Variants in JARID2 observed in about 807,000 individuals in gnomAD.
JARID2 encodes protein Jumonji.
JARID2 carries 21 observed loss-of-function variants against 125.6 expected under a neutral mutation model. That is an observed-to-expected ratio of 0.17 (90% CI 0.12 to 0.24). The LOEUF is 0.24. Ranked by LOEUF, JARID2 falls within the 10% of genes least tolerant of loss-of-function variation. The pLI is 1.00. For missense variants in JARID2, 1,303 were observed against 1,639.6 expected, an observed-to-expected ratio of 0.79 and a Z score of 3.55; for synonymous variants, 736 against 661.6, an observed-to-expected ratio of 1.11 and a Z score of -1.73.
intron 4 of JARID2, among the ~76,000 whole-genome samples, chr6:15,466,122 A>G (rs967237710): frequency 2.0e-5 from 3 of 152,088 alleles, no homozygotes; most frequent in African/African-American, 7.2e-5. Context: ...GTATTTTTAT[A>G]TTGCTCTCAC....
chr6:15,448,183 G>A (rs138136559), intron 3 of JARID2, among the ~76,000 whole-genome samples: 101 of 152,282 alleles, frequency 6.6e-4, no homozygotes, highest in African/African-American at 2.4e-3. Flanking sequence ...TTAATCACTT[G>A]GGAGCTTGGC....
intron 5 of JARID2, among the ~76,000 whole-genome samples, chr6:15,483,009 T>A (rs1411863499): frequency 6.6e-6 from 1 of 152,236 alleles, no homozygotes; most frequent in Non-Finnish European, 1.5e-5. Context: ...ATTCTAATTT[T>A]TGCCTGAAAG....
At chr6:15,325,319 C>T (rs1000489041) in intron 1 of JARID2, among the ~76,000 whole-genome samples, 7 of 152,176 alleles carry the variant, frequency 4.6e-5, no homozygotes, top group African/African-American at 1.7e-4. Context: ...AGCTTAGCCT[C>T]ACTCTCCGTG....
chr6:15,393,222 A>C (rs1013385779), intron 2 of JARID2, among the ~76,000 whole-genome samples: 1 of 152,092 alleles, frequency 6.6e-6, no homozygotes, highest in Non-Finnish European at 1.5e-5. Context: ...TTGATATTTT[A>C]CTCAAATGCC....
intron 1 of JARID2, among the ~76,000 whole-genome samples, chr6:15,335,141 C>T (rs1055866776): frequency 1.3e-5 from 2 of 151,944 alleles, no homozygotes; most frequent in Admixed American, 1.3e-4. Context: ...GCTCCTTCAC[C>T]CAGGCTGGAG....
intron 1 of JARID2, among the ~76,000 whole-genome samples, chr6:15,271,541 G>A (rs1218574403): frequency 6.6e-6 from 1 of 152,204 alleles, no homozygotes; most frequent in African/African-American, 2.4e-5. Context: ...CTGATGTGGT[G>A]GCCCATGCCT....
chr6:15,247,498 T>C, intron 1 of JARID2: 1 of 983,078 alleles, frequency 1.0e-6, no homozygotes, highest in Non-Finnish European at 1.2e-6. Context: ...ACTCGAGTGA[T>C]CTGTGATTAG....
At chr6:15,488,519 T>C (rs1292913618) in intron 6 of JARID2, among the ~76,000 whole-genome samples, 9 of 152,114 alleles carry the variant, frequency 5.9e-5, no homozygotes, top group African/African-American at 2.2e-4. Context: ...TCAGAGGAAG[T>C]TGTAGAGGGG....
chr6:15,440,594 C>A (rs1463420301), intron 3 of JARID2, among the ~76,000 whole-genome samples: 3 of 152,188 alleles, frequency 2.0e-5, no homozygotes, highest in Non-Finnish European at 4.4e-5. Context: ...TCACCTTGCC[C>A]TGTTGCCCAC....
At chr6:15,347,705 A>C (rs888494927) in intron 1 of JARID2, among the ~76,000 whole-genome samples, 1 of 152,120 alleles carries the variant, frequency 6.6e-6, no homozygotes, top group Non-Finnish European at 1.5e-5. Flanking sequence ...AAAATCCTTT[A>C]CTGGACAAGG....
At chr6:15,315,491 G>A (rs1762149105) in intron 1 of JARID2, among the ~76,000 whole-genome samples, 1 of 152,176 alleles carries the variant, frequency 6.6e-6, no homozygotes, top group South Asian at 2.1e-4. Flanking sequence ...AGTGCAGTCA[G>A]TACACCATAG....
intron 17 of JARID2, among the ~76,000 whole-genome samples, chr6:15,518,234 C>A (rs528021151): frequency 6.6e-6 from 1 of 152,140 alleles, no homozygotes; most frequent in African/African-American, 2.4e-5. Context: ...GGCGGCGGCA[C>A]GGGGAGGCTT....
intron 1 of JARID2, among the ~76,000 whole-genome samples, chr6:15,297,488 C>CTAA (rs1554120794): frequency 1.4e-5 from 2 of 143,328 alleles, no homozygotes; most frequent in Non-Finnish European, 3.1e-5. Context: ...ATACAGCACT[C>CTAA]TTTTTTTTTT....
intron 3 of JARID2, among the ~76,000 whole-genome samples, chr6:15,425,506 G>A (rs1237715854): frequency 2.0e-5 from 3 of 152,160 alleles, no homozygotes; most frequent in Admixed American, 2.0e-4. Context: ...GGGGTCATGA[G>A]GGCTGCACCC....
At chr6:15,302,289 G>A (rs770786990) in intron 1 of JARID2, among the ~76,000 whole-genome samples, 1 of 152,132 alleles carries the variant, frequency 6.6e-6, no homozygotes, top group African/African-American at 2.4e-5. Context: ...GGTGGCGTGC[G>A]CCTGTAATCC....
At chr6:15,247,002 T>C (rs1369203010) in intron 1 of JARID2, among the ~76,000 whole-genome samples, 1 of 152,226 alleles carries the variant, frequency 6.6e-6, no homozygotes, top group Non-Finnish European at 1.5e-5. Context: ...GCATGTGTGT[T>C]GGAAGCCCTT....
intron 1 of JARID2, chr6:15,314,969 A>T (rs1762131478): frequency 6.6e-6 from 1 of 152,236 alleles, no homozygotes; most frequent in African/African-American, 2.4e-5. Context: ...TACAGAGAAG[A>T]TTAGCATGGC....
intron 16 of JARID2, among the ~76,000 whole-genome samples, chr6:15,516,402 G>A (rs742102): frequency 0.033 from 5,064 of 152,270 alleles, 132 homozygotes; most frequent in South Asian, 0.11. Flanking sequence ...CCTTTCATCC[G>A]GCCCCTCTCA....
chr6:15,509,458 C>A, intron 12 of JARID2: 1 of 576,430 alleles, frequency 1.7e-6, no homozygotes, highest in Non-Finnish European at 2.2e-6. Context: ...CATGAGGGAG[C>A]CCTCCCTTCC....
Sources: gnomAD v4.1 joint callset for allele counts (sites outside exome capture counted in the v4.1 genomes callset) on GRCh38, gnomAD v4.1.1 for gene constraint, MANE v1.5 for transcripts, NCBI Gene and HGNC (gene_info 2026-07-23, HGNC 2026-07-21) for gene names.